The following FAM117B variants were observed in gnomAD, a reference collection of about 807,000 sequenced individuals.
The protein encoded by FAM117B is protein FAM117B.
In FAM117B, 22 loss-of-function variants were observed where a neutral mutation model predicts 52.8. The observed-to-expected ratio is 0.42, with a 90% CI of 0.30 to 0.59. The LOEUF (loss-of-function observed/expected upper bound fraction) is 0.59. FAM117B is among the 20% of genes least tolerant of loss of function. The pLI is 0.22. For missense variants in FAM117B, 678 were observed against 802.6 expected (o/e 0.84, Z 1.88); for synonymous variants, 309 against 324.1 (o/e 0.95, Z 0.50).
At chr2:202,736,763 A>G (rs1030828975) in intron 4 of FAM117B, among the ~76,000 whole-genome samples, 3 of 152,118 alleles carry the variant, frequency 2.0e-5, no homozygotes, top group African/African-American at 7.2e-5. Flanking sequence ...ACCCTGCTTT[A>G]GTCCATCAAT....
intron 2 of FAM117B, among the ~76,000 whole-genome samples, chr2:202,718,152 G>A (rs9973403): frequency 0.08 from 12,127 of 151,994 alleles, 1,617 homozygotes; most frequent in African/African-American, 0.27. Context: ...GGTTAATGCT[G>A]CCTGGCGTGG....
intron 2 of FAM117B, among the ~76,000 whole-genome samples, chr2:202,706,944 G>A (rs566032177): frequency 1.3e-5 from 2 of 152,110 alleles, no homozygotes; most frequent in African/African-American, 4.8e-5. Flanking sequence ...TTTTAATTTC[G>A]AAATCTTTAC....
intron 2 of FAM117B, among the ~76,000 whole-genome samples, chr2:202,699,531 A>G (rs974985776): frequency 1.3e-5 from 2 of 150,418 alleles, no homozygotes; most frequent in Non-Finnish European, 3.0e-5. Context: ...AGAATCTCCT[A>G]AAGGATAACT....
At position 202,668,099 on chromosome 2, in the gene FAM117B, AT is replaced by A. The variant is rs1423387383; in HGVS notation, c.602-27779del. Among the ~76,000 whole-genome samples, 1,363 of 144,396 alleles carry A rather than the reference AT, an allele frequency of 9.4e-3. 23 individuals carry two copies. Among genetic ancestry groups the A allele is most frequent in the African/African-American group, 0.032 (1,234 of 38,810 alleles). 94.7% of individuals were successfully genotyped at this position (144,396 alleles called of 152,430 possible). A position where few individuals can be genotyped will look rare whatever the true frequency, so the allele number is the denominator to read the frequency against. On this transcript the variant is annotated intron_variant, in intron 1 of 7. Coordinates refer to ENST00000392238, the MANE Select transcript of FAM117B (RefSeq NM_173511.4). ...TATATCATATATTTTATAAAAATATATTTATATAAAAAATATTTTTATAAAA... is the reference window on the plus strand; with the variant it reads ...TATATCATATATTTTATAAAAATATATTATATAAAAAATATTTTTATAAAA...
In FAM117B at chr2:202,722,448, A is replaced by G. The variant is rs1383001441; in HGVS notation, c.754-2469A>G. Among the ~76,000 whole-genome samples, 3 of 152,210 alleles carry G rather than the reference A, an allele frequency of 2.0e-5. No individual in the cohort carries two copies. In the East Asian group the frequency reaches 5.8e-4, roughly 29 times the overall value. On this transcript the variant is annotated intron_variant, in intron 2 of 7. Coordinates refer to ENST00000392238, the MANE Select transcript of FAM117B (RefSeq NM_173511.4). ...AATGCCCATCAACAGTAGCCTGGAT[A>G]AGGAAAATGTGGTGCATATACACCA...
intron 4 of FAM117B, among the ~76,000 whole-genome samples, chr2:202,732,062 T>G (rs2105789844): frequency 6.6e-6 from 1 of 151,022 alleles, no homozygotes; most frequent in South Asian, 2.1e-4. Context: ...TTTTTTTTTT[T>G]GTATTTATAG....
intron 4 of FAM117B, among the ~76,000 whole-genome samples, chr2:202,740,173 C>CAAAAAAAAAAAAAAAAAAAA (rs1358404767): frequency 1.4e-5 from 1 of 69,672 alleles, no homozygotes; most frequent in African/African-American, 5.7e-5. Flanking sequence ...ACTTCATCCC[C>CAAAAAAAAAAAAAAAAAAAA]CAAAAAAAAA....
At chr2:202,726,229 T>C (rs1297276725) in intron 3 of FAM117B, 21 bp from the exon 4 acceptor site, 1 of 1,558,980 alleles carries the variant, frequency 6.4e-7, no homozygotes, top group Non-Finnish European at 8.8e-7. Context: ...TCTGGTGTAC[T>C]TGCTATTTTT....
intron 2 of FAM117B, among the ~76,000 whole-genome samples, chr2:202,700,148 C>G (rs924266569): frequency 6.6e-6 from 1 of 152,140 alleles, no homozygotes; most frequent in Admixed American, 6.5e-5. Context: ...ACAATGCCCT[C>G]TAAGGGTCAA....
chr2:202,705,665 C>A (rs908926327), intron 2 of FAM117B, among the ~76,000 whole-genome samples: 1 of 152,176 alleles, frequency 6.6e-6, no homozygotes, highest in Non-Finnish European at 1.5e-5. Flanking sequence ...CACACTGCCT[C>A]CGTGTTCTTT....
At chr2:202,639,919 C>G (rs1480923013) in intron 1 of FAM117B, among the ~76,000 whole-genome samples, 3 of 151,970 alleles carry the variant, frequency 2.0e-5, no homozygotes, top group African/African-American at 7.3e-5. Flanking sequence ...AATGGTGTTT[C>G]TCAAAGTGTA....
chr2:202,690,318 C>T (rs1422968202), intron 1 of FAM117B, among the ~76,000 whole-genome samples: 1 of 152,178 alleles, frequency 6.6e-6, no homozygotes, highest in Non-Finnish European at 1.5e-5. Context: ...CATTGGAAGT[C>T]ATTCTTTTCT....
At chr2:202,712,780 T>C (rs573214440) in intron 2 of FAM117B, among the ~76,000 whole-genome samples, 15 of 152,190 alleles carry the variant, frequency 9.9e-5, no homozygotes, top group Non-Finnish European at 2.2e-4. Context: ...TGTTATCAAA[T>C]GCATTTTCAG....
intron 1 of FAM117B, among the ~76,000 whole-genome samples, chr2:202,643,203 C>T (rs1689795886): frequency 6.6e-6 from 1 of 152,090 alleles, no homozygotes; most frequent in African/African-American, 2.4e-5. Flanking sequence ...CAGTTATTTA[C>T]AGGATGTGGA....
intron 1 of FAM117B, among the ~76,000 whole-genome samples, chr2:202,644,071 T>TTTTTTTTTTTTTTTTTTTTG (rs1559092797): frequency 6.8e-6 from 1 of 146,096 alleles, no homozygotes; most frequent in African/African-American, 2.6e-5. Flanking sequence ...TTTGTTTTTT[T>TTTTTTTTTTTTTTTTTTTTG]TTTTTTTTTT....
intron 1 of FAM117B, among the ~76,000 whole-genome samples, chr2:202,686,822 G>A (rs62194137): frequency 1.3e-5 from 2 of 151,416 alleles, no homozygotes; most frequent in Non-Finnish European, 1.5e-5. Context: ...AAAAAAAGAG[G>A]TATTAGATAA....
intron 2 of FAM117B, among the ~76,000 whole-genome samples, chr2:202,704,698 T>TC (rs1690847222): frequency 6.6e-6 from 1 of 152,164 alleles, no homozygotes; most frequent in South Asian, 2.1e-4. Flanking sequence ...TTCAAGCAAT[T>TC]CTCTTGCCTC....
intron 2 of FAM117B, among the ~76,000 whole-genome samples, chr2:202,699,242 T>C (rs1211547881): frequency 6.6e-6 from 1 of 151,320 alleles, no homozygotes; most frequent in African/African-American, 2.4e-5. Flanking sequence ...GCCTGACCAA[T>C]ATGGTGAAAC....
chr2:202,635,259 G>C lies in FAM117B; in HGVS notation c.72G>C (p.Thr24=). Residue 24 remains threonine, a synonymous_variant, in exon 1 of 8, where the codon ACG becomes ACC. Transcript: ENST00000392238. ...CCCTTGGGGGTGGTGCGGTGGCCAC[G>C]GCCGGGGGACCCGGGAGCCGCTTGC... ...AGSLGGGAVA[T]AGGPGSRLQP... is the part of the protein sequence containing the mutation. 1 of 1,376,576 alleles carries C rather than the reference G, an allele frequency of 7.3e-7. No homozygotes were observed. The allele number at this position is 1,376,576 out of a possible 1,614,324, so 85.3% of individuals were successfully genotyped here. A position where few individuals can be genotyped will look rare whatever the true frequency, so the allele number is the denominator to read the frequency against.
Sources: allele counts gnomAD v4.1 joint callset (sites outside exome capture counted in the v4.1 genomes callset), GRCh38; gene constraint gnomAD v4.1.1; transcripts MANE v1.5; gene names NCBI Gene and HGNC (gene_info 2026-07-23, HGNC 2026-07-21).